The following DYRK1A variants were observed in gnomAD, a reference collection of about 807,000 sequenced individuals.
DYRK1A encodes dual specificity tyrosine-phosphorylation-regulated kinase 1A.
A neutral mutation model predicts 79.7 loss-of-function variants in DYRK1A; 9 were observed. The observed-to-expected ratio is 0.11, with a 90% CI of 0.07 to 0.20. DYRK1A has a LOEUF of 0.20. DYRK1A is among the 10% of genes least tolerant of loss of function. The pLI, the probability that DYRK1A is intolerant of heterozygous loss-of-function variation, is 1.00. For synonymous variants in DYRK1A, 349 were observed against 329.7 expected, an observed-to-expected ratio of 1.06 and a Z score of -0.63; for missense variants, 622 against 956.0, an observed-to-expected ratio of 0.65 and a Z score of 4.61.
chr21:37,408,572 T>G (rs890032953), intron 1 of DYRK1A, among the ~76,000 whole-genome samples: 1 of 152,140 alleles, frequency 6.6e-6, no homozygotes, highest in African/African-American at 2.4e-5. Context: ...TTATATAAAT[T>G]TTTTTTAGCA....
chr21:37,500,583 A>C (rs1256670268), intron 9 of DYRK1A, among the ~76,000 whole-genome samples: 1 of 152,046 alleles, frequency 6.6e-6, no homozygotes. Flanking sequence ...CATTGATGAA[A>C]CCTTCAGAAC....
chr21:37,472,596 T>C lies in DYRK1A; in HGVS notation c.11-88T>C. 3.4e-6 allele frequency: 4 copies of C among 1,175,952 alleles called. No individual in the cohort carries two copies. The South Asian group carries it at 8.2e-5, about 24-fold the overall frequency. 72.8% of individuals were successfully genotyped at this position (1,175,952 alleles called of 1,614,324 possible). A position where few individuals can be genotyped will look rare whatever the true frequency, so the allele number is the denominator to read the frequency against. On this transcript the variant is annotated intron_variant, in intron 2 of 11. Coordinates refer to ENST00000647188, the MANE Select transcript of DYRK1A (RefSeq NM_001347721.2). ...TTTTTTAATATTGAATATCCTAAAG[T>C]TCTTATTTAAGGAACCATTAGATAT...
chr21:37,388,617 G>A (rs561007718), intron 1 of DYRK1A, among the ~76,000 whole-genome samples: 7 of 151,478 alleles, frequency 4.6e-5, no homozygotes, highest in African/African-American at 1.5e-4. Context: ...ACCAGAAATT[G>A]CCTTGTTTGA....
In DYRK1A at chr21:37,512,299, C is replaced by G; in HGVS notation, c.2033C>G (p.Ala678Gly). 6.2e-7 allele frequency: 1 copy of G among 1,614,210 alleles called. No individual in the cohort carries two copies. The highest frequency in any genetic ancestry group is 1.1e-5 in the South Asian group (1 of 91,086). Residue 678 changes from alanine to glycine, a missense_variant, in exon 12 of 12, where the codon GCT becomes GGT. By Grantham distance (60) the Ala-to-Gly change is moderately conservative (BLOSUM62 0). Transcript: ENST00000647188. Reference sequence around the variant, plus strand: ...GCCTACCAGAATCGCCCAGTGGCTGCTAATACCTTGGACTTTGGACAGAAT... The same window carrying G: ...GCCTACCAGAATCGCCCAGTGGCTGGTAATACCTTGGACTTTGGACAGAAT... The part of the protein sequence containing the change: ...NQAYQNRPVA[A>G]NTLDFGQNGA...
At chr21:37,488,473 A>T in intron 6 of DYRK1A, 1 of 762,782 alleles carries the variant, frequency 1.3e-6, no homozygotes, top group Non-Finnish European at 1.6e-6. Context: ...CTACTTCTTT[A>T]CTGTGTAGCC....
chr21:37,422,136 T>A (rs2050492620), intron 2 of DYRK1A, among the ~76,000 whole-genome samples: 1 of 152,178 alleles, frequency 6.6e-6, no homozygotes, highest in South Asian at 2.1e-4. Context: ...AGATTTATGA[T>A]AAAATCCAAT....
chr21:37,486,719 AT>A, intron 6 of DYRK1A, 105 bp downstream of exon 6: 1 of 1,197,550 alleles, frequency 8.4e-7, no homozygotes, highest in South Asian at 2.6e-5. Flanking sequence ...AAAGTGGCTG[AT>A]TAAAAATTTG....
At chr21:37,466,393 T>C (rs530090702) in intron 2 of DYRK1A, among the ~76,000 whole-genome samples, 3 of 152,148 alleles carry the variant, frequency 2.0e-5, no homozygotes, top group South Asian at 2.1e-4. Context: ...AATAAAAATA[T>C]GGGGAGATGA....
At chr21:37,502,393 C>T (rs1186840466) in intron 9 of DYRK1A, 1 of 151,940 alleles carries the variant, frequency 6.6e-6, no homozygotes, top group Non-Finnish European at 1.5e-5. Context: ...TTTATTTTAT[C>T]TCTTGTACTG....
intron 1 of DYRK1A, chr21:37,410,426 T>C (rs573028251): frequency 6.6e-6 from 1 of 152,244 alleles, no homozygotes; most frequent in Non-Finnish European, 1.5e-5. Context: ...GACAATTCTT[T>C]GAAATGGATG....
In DYRK1A at chr21:37,522,695, A is replaced by G. The variant is rs1352452471; in HGVS notation, c.*10164A>G. The G allele has an allele frequency of 1.3e-5, 2 of 152,270 alleles. No individual in the cohort carries two copies. The highest frequency in any genetic ancestry group is 4.8e-5 in the African/African-American group (2 of 41,466). 9.4% of individuals were successfully genotyped at this position (152,270 alleles called of 1,614,324 possible). ...GAGATGTTGAACAGGTTTCTCTCCG[A>G]CAATCGTCTCGTTTAATTGTGAAAC... On this transcript the variant is annotated 3_prime_UTR_variant, in exon 12 of 12. Coordinates refer to ENST00000647188, the MANE Select transcript of DYRK1A (RefSeq NM_001347721.2).
intron 2 of DYRK1A, among the ~76,000 whole-genome samples, chr21:37,444,627 T>TA (rs1352237803): frequency 0.2 from 172 of 854 alleles, no homozygotes; most frequent in African/African-American, 0.38. Flanking sequence ...TGATTAGTCA[T>TA]GGGTGAGGAT....
chr21:37,464,235 G>A (rs141921636), intron 2 of DYRK1A: 2 of 466,014 alleles, frequency 4.3e-6, no homozygotes, highest in Non-Finnish European at 8.4e-6. Context: ...CCCAGTCTTT[G>A]AGATGTGTTG....
chr21:37,416,536 G>A (rs1405600491), intron 1 of DYRK1A, among the ~76,000 whole-genome samples: 1 of 151,576 alleles, frequency 6.6e-6, no homozygotes, highest in Non-Finnish European at 1.5e-5. Flanking sequence ...GACTCCTTTG[G>A]CTATTATAAT....
chr21:37,436,506 T>C (rs1206470495), intron 2 of DYRK1A, among the ~76,000 whole-genome samples: 1 of 152,194 alleles, frequency 6.6e-6, no homozygotes, highest in Non-Finnish European at 1.5e-5. Flanking sequence ...TTGTGTCTGA[T>C]GGTTAAAGCA....
rs2053940360 is a variant in DYRK1A at position 37,522,307 on chromosome 21, A to G, written c.*9776A>G. ...CAAGGTCCCCAGGTCATTCATGCAC[A>G]TTCAAAGTCAGAGACACTGCCCCAA... On this transcript the variant is annotated 3_prime_UTR_variant, in exon 12 of 12. Transcript: ENST00000647188. 1 of 152,244 alleles carries G rather than the reference A, an allele frequency of 6.6e-6. No homozygotes were observed. The allele number at this position is 152,244 out of a possible 1,614,324, so 9.4% of individuals were successfully genotyped here.
At position 37,469,702 on chromosome 21, in the gene DYRK1A, G is replaced by C. The variant is rs116838063; in HGVS notation, c.11-2982G>C. On this transcript the variant is annotated intron_variant, in intron 2 of 11. Coordinates refer to ENST00000647188, the MANE Select transcript of DYRK1A (RefSeq NM_001347721.2). ...ACACAGTTTTAAACAGCCTTTTTTCGTGAGAACTCTTATCACGAGGATAGC... is the reference window on the plus strand; with the variant it reads ...ACACAGTTTTAAACAGCCTTTTTTCCTGAGAACTCTTATCACGAGGATAGC... 9.7e-3 allele frequency among the ~76,000 whole-genome samples: 1,471 copies of C among 152,086 alleles called. 22 individuals are homozygous for C. Among genetic ancestry groups the C allele is most frequent in the African/African-American group, 0.034 (1,409 of 41,468 alleles).
At chr21:37,415,289 C>T (rs1461859958) in intron 1 of DYRK1A, among the ~76,000 whole-genome samples, 1 of 152,124 alleles carries the variant, frequency 6.6e-6, no homozygotes, top group Non-Finnish European at 1.5e-5. Context: ...ATGCTTCTAG[C>T]CTCTTTAACA....
intron 2 of DYRK1A, among the ~76,000 whole-genome samples, chr21:37,426,682 G>A (rs1419140715): frequency 9.9e-5 from 15 of 151,474 alleles, no homozygotes; most frequent in African/African-American, 2.7e-4. Flanking sequence ...AGGCCGAGGC[G>A]GGCAGATCAC....
Sources: gnomAD v4.1 joint callset for allele counts (sites outside exome capture counted in the v4.1 genomes callset) on GRCh38, gnomAD v4.1.1 for gene constraint, MANE v1.5 for transcripts, NCBI Gene and HGNC (gene_info 2026-07-23, HGNC 2026-07-21) for gene names.